SGO2: variants seen among roughly 807,000 people sequenced by gnomAD.
SGO2 encodes the protein shugoshin-like 2.
SGO2 carries 68 observed loss-of-function variants against 99.5 expected under a neutral mutation model. That is an observed-to-expected ratio of 0.68 (90% CI 0.56 to 0.84). The LOEUF is 0.84. Ranked by LOEUF, SGO2 falls within the 40% of genes least tolerant of loss-of-function variation. The pLI is 0.00. For missense variants in SGO2, 1,350 were observed against 1,436.7 expected (o/e 0.94, Z 0.97); for synonymous variants, 457 against 487.1 (o/e 0.94, Z 0.81).
intron 4 of SGO2, among the ~76,000 whole-genome samples, chr2:200,539,195 G>A (rs916122908): frequency 6.6e-6 from 1 of 151,944 alleles, no homozygotes; most frequent in African/African-American, 2.4e-5. Context: ...TGTGGATATT[G>A]GTCCCCTTAG....
chr2:200,573,664 G>A lies in SGO2; in HGVS notation c.3318G>A (p.Lys1106=). 3.1e-6 allele frequency: 5 copies of A among 1,613,352 alleles called. No homozygotes were observed. Among genetic ancestry groups the A allele is most frequent in the African/African-American group, 2.7e-5 (2 of 75,010 alleles). ...MERILDSVQG[K]STVSEQADKE... ...GAATACTTGACAGCGTTCAGGGAAA[G>A]TCTACTGTATCTGAACAAGCTGATA... The change falls in exon 7 of 9, where the codon AAG becomes AAA. Residue 1106 remains lysine, a synonymous_variant. Coordinates refer to ENST00000357799, the MANE Select transcript of SGO2 (RefSeq NM_152524.6).
In SGO2 at chr2:200,575,527, A is replaced by G. The variant is rs2033626550; in HGVS notation, c.3782+66A>G. On this transcript the variant is annotated intron_variant, in intron 8 of 8. Transcript: ENST00000357799. ...TATCCTTAAAAAAATTTCTGCCTGA[A>G]TTAGTATTTGAGCACTTCTGATAAT... 4.9e-6 allele frequency: 6 copies of G among 1,236,274 alleles called. No individual in the cohort carries two copies. In the Admixed American group the frequency reaches 1.3e-4, roughly 27 times the overall value. 76.6% of individuals were successfully genotyped at this position (1,236,274 alleles called of 1,614,324 possible).
At chr2:200,561,900 G>T (rs2032987218) in intron 5 of SGO2, among the ~76,000 whole-genome samples, 1 of 152,146 alleles carries the variant, frequency 6.6e-6, no homozygotes, top group Non-Finnish European at 1.5e-5. Context: ...TTTTGATGGG[G>T]TTGTTTGATT....
In SGO2 at chr2:200,573,110, C is replaced by T; in HGVS notation, c.2764C>T (p.Gln922Ter). The change falls in exon 7 of 9, where the codon CAG becomes TAG. Residue 922 changes from glutamine (Q) to a stop codon, truncating the protein, a stop_gained. Transcript: ENST00000357799. LOFTEE classifies it high-confidence loss of function. ...WKTEIISEMN[Q>*]IYEDNDKDAH... is the part of the protein sequence containing the mutation. Reference sequence around the variant, plus strand: ...GACAGAAATAATTTCTGAAATGAACCAGATATATGAGGATAATGATAAAGA... The same window carrying T: ...GACAGAAATAATTTCTGAAATGAACTAGATATATGAGGATAATGATAAAGA... 1 of 1,584,684 alleles carries T rather than the reference C, an allele frequency of 6.3e-7. No homozygotes were observed. The highest frequency in any genetic ancestry group is 8.5e-7 in the Non-Finnish European group (1 of 1,172,296).
chr2:200,533,313 T>C (rs895143949), intron 2 of SGO2: 4 of 420,334 alleles, frequency 9.5e-6, no homozygotes, highest in African/African-American at 6.4e-5. Flanking sequence ...TGTGACACAG[T>C]TGAATTTTCA....
intron 5 of SGO2, chr2:200,543,395 G>A (rs1184931350): frequency 1.3e-5 from 2 of 152,204 alleles, no homozygotes; most frequent in Non-Finnish European, 2.9e-5. Flanking sequence ...ATAAGTTATA[G>A]AAAGCACCCT....
chr2:200,569,649 C>T lies in SGO2; in HGVS notation c.474-14C>T, dbSNP rs558064268. ...AAACACATAATTTCTCATTTCCTTC[C>T]CACTTGCCTTTAGGGTTCCATTAAC... On this transcript the variant is annotated splice_polypyrimidine_tract_variant and intron_variant, in intron 5 of 8. Transcript: ENST00000357799. 6 of 1,566,072 alleles carry T rather than the reference C, an allele frequency of 3.8e-6. No homozygotes were observed. In the Admixed American group the frequency reaches 9.5e-5, roughly 25 times the overall value.
chr2:200,550,059 G>A (rs2032407047), intron 5 of SGO2, among the ~76,000 whole-genome samples: 2 of 152,090 alleles, frequency 1.3e-5, no homozygotes, highest in Admixed American at 6.6e-5. Flanking sequence ...TACACCAACA[G>A]TGGACAATCT....
Position 200,573,278 on chromosome 2 carries a change from G to A in SGO2, c.2932G>A (p.Asp978Asn), listed in dbSNP as rs553891415. ...AAAGGAAAGTTGTGATCAAATTTTAGATTCCTACAAAGTAGTTAAAAAACG... is the reference window on the plus strand; with the variant it reads ...AAAGGAAAGTTGTGATCAAATTTTAAATTCCTACAAAGTAGTTAAAAAACG... ...NEKESCDQIL[D>N]SYKVVKKRKK... Residue 978 changes from aspartate (D) to asparagine (N), a missense_variant, in exon 7 of 9, where the codon GAT (aspartate) becomes AAT (asparagine). Transcript: ENST00000357799. 4 of 1,601,646 alleles carry A rather than the reference G, an allele frequency of 2.5e-6. No individual in the cohort carries two copies. In the South Asian group the frequency reaches 4.6e-5, roughly 18 times the overall value.
In SGO2 at chr2:200,544,486, T is replaced by G. The variant is rs372290894; in HGVS notation, c.473+1822T>G. ...TAATAGGGACAGGATTTTACCATGT[T>G]GGCCAGGCTGATCTCCAACTCCTGA... On this transcript the variant is annotated intron_variant, in intron 5 of 8. Coordinates refer to ENST00000357799, the MANE Select transcript of SGO2 (RefSeq NM_152524.6). 4.4e-4 allele frequency among the ~76,000 whole-genome samples: 67 copies of G among 152,324 alleles called. 1 individual carries two copies. In the South Asian group the frequency reaches 0.013, roughly 31 times the overall value.
rs1477531323 is a variant in SGO2, at chr2:200,583,581, C to G, written c.*117C>G. 1.4e-5 allele frequency: 12 copies of G among 847,634 alleles called. No individual in the cohort carries two copies. The highest frequency in any genetic ancestry group is 5.6e-5 in the Admixed American group (2 of 35,930). The allele number at this position is 847,634 out of a possible 1,614,324, so 52.5% of individuals were successfully genotyped here. ...AAAGGTTTTTTTTTTGTTTCTTTGG[C>G]CTTTCATGGAGTGTTGATTTGTCCA... is the stretch of plus-strand genomic sequence containing the variant. On this transcript the variant is annotated 3_prime_UTR_variant, in exon 9 of 9. Transcript: ENST00000357799.
chr2:200,578,056 C>T (rs1226806135), intron 8 of SGO2, among the ~76,000 whole-genome samples: 3 of 152,048 alleles, frequency 2.0e-5, no homozygotes. Context: ...TTGCCTGCAA[C>T]AGTACTACTG....
chr2:200,539,350 C>T (rs1190881824), intron 4 of SGO2, among the ~76,000 whole-genome samples: 8 of 152,040 alleles, frequency 5.3e-5, no homozygotes, highest in Admixed American at 5.2e-4. Flanking sequence ...GTCTGTGTTG[C>T]ATTTCCCCAG....
intron 5 of SGO2, among the ~76,000 whole-genome samples, chr2:200,545,005 GTA>G (rs1016194649): frequency 2.0e-5 from 3 of 151,872 alleles, no homozygotes; most frequent in Non-Finnish European, 4.4e-5. Flanking sequence ...GGTGTTCTTT[GTA>G]TACATATTTT....
chr2:200,562,199 G>T (rs1389633254), intron 5 of SGO2, among the ~76,000 whole-genome samples: 2 of 152,054 alleles, frequency 1.3e-5, no homozygotes, highest in Non-Finnish European at 2.9e-5. Context: ...GGTCTAACAT[G>T]TAAGTCTTTA....
intron 1 of SGO2, among the ~76,000 whole-genome samples, chr2:200,527,793 G>A (rs1255937223): frequency 6.6e-6 from 1 of 152,220 alleles, no homozygotes; most frequent in Admixed American, 6.5e-5. Context: ...TTACAATTTA[G>A]TAGGAGAAAA....
chr2:200,570,591 TAC>T lies in SGO2; in HGVS notation c.704-457_704-456del, dbSNP rs1322046261. On this transcript the variant is annotated intron_variant, in intron 6 of 8. Transcript: ENST00000357799. This position sits in a 1 kb window ranked among gnomAD's most constrained non-coding sequence, Gnocchi z 4.4. ...TGGTATACATATAATGTATACAGTA[TAC>T]ATATATACATGTGTGTATATATTTA... Among the ~76,000 whole-genome samples the T allele has an allele frequency of 2.0e-5, 3 of 150,176 alleles. No homozygotes were observed. Among genetic ancestry groups the T allele is most frequent in the Non-Finnish European group, 4.4e-5 (3 of 67,426 alleles).
chr2:200,559,033 C>G (rs1187037244), intron 5 of SGO2, among the ~76,000 whole-genome samples: 2 of 152,122 alleles, frequency 1.3e-5, no homozygotes, highest in African/African-American at 4.8e-5. Context: ...GAACTCCTGA[C>G]CTCAGGTGAT....
chr2:200,550,696 A>G (rs1461259790), intron 5 of SGO2, among the ~76,000 whole-genome samples: 5 of 152,156 alleles, frequency 3.3e-5, no homozygotes, highest in African/African-American at 1.2e-4. Flanking sequence ...CAAAATGGAT[A>G]AAAGATTTGA....
Sources: gnomAD v4.1 joint callset for allele counts (sites outside exome capture counted in the v4.1 genomes callset) on GRCh38, gnomAD v4.1.1 for gene constraint, Gnocchi (gnomAD v3.1) non-coding constraint, MANE v1.5 for transcripts, NCBI Gene and HGNC (gene_info 2026-07-23, HGNC 2026-07-21) for gene names.